The following CFAP61 variants were observed in gnomAD, a reference collection of about 807,000 sequenced individuals.
CFAP61 encodes cilia- and flagella-associated protein 61.
In CFAP61, 107 loss-of-function variants were observed where a neutral mutation model predicts 135.6. The ratio of observed to expected loss-of-function variants is 0.79; its 90% CI spans 0.67 to 0.93. The LOEUF (loss-of-function observed/expected upper bound fraction) is 0.93, where lower values mean the gene tolerates loss of function less well. Ranked by LOEUF, CFAP61 falls within the 40% of genes least tolerant of loss-of-function variation. The pLI, the probability that CFAP61 is intolerant of heterozygous loss-of-function variation, is 0.00. For synonymous variants in CFAP61, 575 were observed against 578.5 expected, an observed-to-expected ratio of 0.99 and a Z score of 0.09; for missense variants, 1,507 against 1,556.2, an observed-to-expected ratio of 0.97 and a Z score of 0.53.
At chr20:20,155,029 A>G (rs1367550210) in intron 9 of CFAP61, among the ~76,000 whole-genome samples, 3 of 152,236 alleles carry the variant, frequency 2.0e-5, no homozygotes, top group Non-Finnish European at 4.4e-5. Context: ...AAGCTGTACT[A>G]TAAGGCTATA....
At chr20:20,060,762 T>C (rs909440443) in intron 2 of CFAP61, among the ~76,000 whole-genome samples, 29 of 152,226 alleles carry the variant, frequency 1.9e-4, no homozygotes, top group African/African-American at 7.0e-4. Flanking sequence ...TAAGAAGTCT[T>C]GCAACTTCCA....
chr20:20,159,383 G>A lies in CFAP61; in HGVS notation c.965G>A (p.Arg322Lys). 6.2e-7 allele frequency: 1 copy of A among 1,613,894 alleles called. No homozygotes were observed. Among genetic ancestry groups the A allele is most frequent in the Non-Finnish European group, 8.5e-7 (1 of 1,179,780 alleles). ...TMENIQGNIA[R>K]EAASEEALTA... ...CATCATTTCCAGGGAAATATTGCCAGAGAAGCTGCATCCGAGGAAGCTTTA... is the reference window on the plus strand; with the variant it reads ...CATCATTTCCAGGGAAATATTGCCAAAGAAGCTGCATCCGAGGAAGCTTTA... The change falls in exon 10 of 27, where the codon AGA becomes AAA. Residue 322 changes from arginine to lysine, a missense_variant. Transcript: ENST00000245957.
At chr20:20,107,065 T>A (rs932127587) in intron 8 of CFAP61, among the ~76,000 whole-genome samples, 7 of 152,200 alleles carry the variant, frequency 4.6e-5, no homozygotes, top group South Asian at 2.1e-4. Flanking sequence ...ATACTTTGAA[T>A]TCCCCCTTGA....
At chr20:20,116,553 T>G (rs1600734967) in intron 8 of CFAP61, among the ~76,000 whole-genome samples, 1 of 152,328 alleles carries the variant, frequency 6.6e-6, no homozygotes, top group East Asian at 1.9e-4. Flanking sequence ...TCTAGTAGTT[T>G]CATTGTGTCA....
intron 22 of CFAP61, among the ~76,000 whole-genome samples, chr20:20,280,049 T>G (rs762037313): frequency 6.6e-6 from 1 of 152,106 alleles, no homozygotes; most frequent in African/African-American, 2.4e-5. Flanking sequence ...TAGAAAGATA[T>G]GTTGATGTCC....
chr20:20,209,570 A>C (rs927680432), intron 17 of CFAP61, among the ~76,000 whole-genome samples: 4 of 152,302 alleles, frequency 2.6e-5, no homozygotes, highest in African/African-American at 9.6e-5. Flanking sequence ...AGGTGTGCAA[A>C]AGGATACATC....
At chr20:20,278,119 G>A (rs947866640) in intron 22 of CFAP61, among the ~76,000 whole-genome samples, 7 of 152,172 alleles carry the variant, frequency 4.6e-5, no homozygotes, top group South Asian at 2.1e-4. Flanking sequence ...TTCTCTTTAC[G>A]GAGAGCTTGC....
chr20:20,299,960 C>T (rs184838327), intron 25 of CFAP61, among the ~76,000 whole-genome samples: 2 of 152,244 alleles, frequency 1.3e-5, no homozygotes, highest in African/African-American at 4.8e-5. Context: ...CAAATGTTTC[C>T]CAAGTATGGT....
At chr20:20,203,423 G>A (rs191873976) in intron 17 of CFAP61, among the ~76,000 whole-genome samples, 2 of 152,202 alleles carry the variant, frequency 1.3e-5, no homozygotes, top group East Asian at 1.9e-4. Flanking sequence ...TAGATGACTC[G>A]TCAGGGCCTG....
intron 25 of CFAP61, among the ~76,000 whole-genome samples, chr20:20,337,108 A>C (rs2058223460): frequency 2.0e-5 from 3 of 152,234 alleles, no homozygotes; most frequent in African/African-American, 7.2e-5. Context: ...TTTACGTGGA[A>C]GCATAGGGAA....
chr20:20,112,368 T>C (rs889250646), intron 8 of CFAP61, among the ~76,000 whole-genome samples: 3 of 152,216 alleles, frequency 2.0e-5, no homozygotes, highest in Admixed American at 6.5e-5. Context: ...TGTGTAAAAA[T>C]ATAACCTTGG....
intron 18 of CFAP61, among the ~76,000 whole-genome samples, chr20:20,238,571 G>A (rs375697935): frequency 6.6e-6 from 1 of 152,156 alleles, no homozygotes; most frequent in Non-Finnish European, 1.5e-5. Flanking sequence ...CTGCAGACAC[G>A]CACAGCACAC....
chr20:20,252,059 G>A (rs1046989836), intron 20 of CFAP61, among the ~76,000 whole-genome samples: 9 of 152,302 alleles, frequency 5.9e-5, no homozygotes, highest in African/African-American at 1.9e-4. Context: ...CATACTGCTC[G>A]CCCTAGCAGA....
intron 24 of CFAP61, among the ~76,000 whole-genome samples, chr20:20,293,434 C>G (rs980767037): frequency 6.6e-6 from 1 of 152,014 alleles, no homozygotes; most frequent in African/African-American, 2.4e-5. Context: ...ATTTTATTAT[C>G]CAAGAAAGAA....
chr20:20,101,757 C>G (rs1419359114), intron 8 of CFAP61, among the ~76,000 whole-genome samples: 1 of 152,084 alleles, frequency 6.6e-6, no homozygotes, highest in Admixed American at 6.5e-5. Context: ...TCCCCAGTAG[C>G]TGAGATTACA....
intron 17 of CFAP61, among the ~76,000 whole-genome samples, chr20:20,223,464 TAGAC>T (rs1215390778): frequency 2.0e-5 from 3 of 152,204 alleles, no homozygotes; most frequent in Non-Finnish European, 4.4e-5. Flanking sequence ...TCACCATAGA[TAGAC>T]AGCATCATGA....
intron 18 of CFAP61, among the ~76,000 whole-genome samples, chr20:20,239,206 T>G (rs1199928578): frequency 6.6e-6 from 1 of 152,216 alleles, no homozygotes; most frequent in South Asian, 2.1e-4. Flanking sequence ...ATTAGACTTA[T>G]GTATTATAAA....
chr20:20,257,781 T>A (rs2051762377), intron 20 of CFAP61, among the ~76,000 whole-genome samples: 1 of 152,148 alleles, frequency 6.6e-6, no homozygotes. Flanking sequence ...ACTCTTAAGC[T>A]AAATTAATCT....
At chr20:20,067,791 T>A (rs549995430) in intron 2 of CFAP61, among the ~76,000 whole-genome samples, 2 of 146,068 alleles carry the variant, frequency 1.4e-5, no homozygotes, top group African/African-American at 5.0e-5. Context: ...TATATATATA[T>A]ACCTACCTTC....
Sources: allele counts gnomAD v4.1 joint callset (sites outside exome capture counted in the v4.1 genomes callset), GRCh38; gene constraint gnomAD v4.1.1; transcripts MANE v1.5; gene names NCBI Gene and HGNC (gene_info 2026-07-23, HGNC 2026-07-21).